Variants in B4GALNT3 observed in about 807,000 individuals in gnomAD.
B4GALNT3 encodes beta-1,4-N-acetyl-galactosaminyltransferase 3, also known as beta-1,4-N-acetylgalactosaminyltransferase 3.
Under a neutral mutation model 120.2 loss-of-function variants are expected in B4GALNT3, and 86 were observed. The observed-to-expected ratio is 0.72, with a 90% confidence interval of 0.60 to 0.86. The LOEUF is 0.86. Ranked by LOEUF, B4GALNT3 falls within the 40% of genes least tolerant of loss-of-function variation. The pLI is 0.00. For missense variants in B4GALNT3, 1,167 were observed against 1,298.9 expected (o/e 0.90, Z 1.56); for synonymous variants, 518 against 510.4 (o/e 1.01, Z -0.20).
intron 1 of B4GALNT3, among the ~76,000 whole-genome samples, chr12:465,834 G>A (rs1452512935): frequency 6.8e-6 from 1 of 146,252 alleles, no homozygotes; most frequent in Non-Finnish European, 1.5e-5. Flanking sequence ...CCTGTCCTGG[G>A]AGTTGAGGTC....
rs546150076 is a variant in B4GALNT3, at chr12:476,580, C to T, written c.169+16035C>T. Among the ~76,000 whole-genome samples, 54 of 152,194 alleles carry T rather than the reference C, an allele frequency of 3.5e-4. 1 individual carries two copies. Among genetic ancestry groups the T allele is most frequent in the Non-Finnish European group, 6.8e-4 (46 of 68,050 alleles). On this transcript the variant is annotated intron_variant, in intron 1 of 19. Coordinates refer to ENST00000266383, the MANE Select transcript of B4GALNT3 (RefSeq NM_173593.4). ...GAGCTGTGATCACGCCACTGCACCC[C>T]AGCCTGGGTGACAGAGCAAGGCCCT... is the stretch of plus-strand genomic sequence containing the variant.
rs147194843 is a variant in B4GALNT3 at position 496,254 on chromosome 12, G to A, written c.169+35709G>A. ...GCCTTGGTCCCTGGGCTCCCTGGATGTCTTCATTTACTCTTAAAAAAAAAA... is the reference window on the plus strand; with the variant it reads ...GCCTTGGTCCCTGGGCTCCCTGGATATCTTCATTTACTCTTAAAAAAAAAA... On this transcript the variant is annotated intron_variant, in intron 1 of 19. Transcript: ENST00000266383. 2.5e-3 allele frequency among the ~76,000 whole-genome samples: 375 copies of A among 152,130 alleles called. 1 individual carries two copies. The highest frequency in any genetic ancestry group is 0.014 in the Middle Eastern group (4 of 294).
At chr12:481,606 CCT>C (rs1178439839) in intron 1 of B4GALNT3, among the ~76,000 whole-genome samples, 1 of 152,224 alleles carries the variant, frequency 6.6e-6, no homozygotes, top group African/African-American at 2.4e-5. Context: ...CCGCAGGGCC[CCT>C]GTCTGCCAGA....
At chr12:466,653 G>C (rs192149919) in intron 1 of B4GALNT3, among the ~76,000 whole-genome samples, 88 of 152,320 alleles carry the variant, frequency 5.8e-4, no homozygotes, top group Non-Finnish European at 1.0e-3. Context: ...AAGTGTGACA[G>C]ATCTTTAAAT....
At chr12:536,626 G>A (rs919302598) in intron 3 of B4GALNT3, among the ~76,000 whole-genome samples, 1 of 152,194 alleles carries the variant, frequency 6.6e-6, no homozygotes, top group Non-Finnish European at 1.5e-5. Context: ...GGGATTACAG[G>A]TGGGCATTAC....
At chr12:533,832 G>C (rs140510132) in intron 1 of B4GALNT3, among the ~76,000 whole-genome samples, 4 of 152,266 alleles carry the variant, frequency 2.6e-5, no homozygotes, top group Admixed American at 6.5e-5. Context: ...GCATTTCAGC[G>C]TGCAGCCCCT....
At chr12:531,265 G>A (rs551719863) in intron 1 of B4GALNT3, among the ~76,000 whole-genome samples, 2 of 152,044 alleles carry the variant, frequency 1.3e-5, no homozygotes, top group South Asian at 4.2e-4. Flanking sequence ...GGGGCAAAGA[G>A]CAACACTGTG....
At chr12:490,152 G>C (rs1246056298) in intron 1 of B4GALNT3, among the ~76,000 whole-genome samples, 1 of 152,040 alleles carries the variant, frequency 6.6e-6, no homozygotes, top group Non-Finnish European at 1.5e-5. Context: ...TAGAAGAGAA[G>C]AAAGATCTAA....
chr12:530,820 G>A (rs1946799383), intron 1 of B4GALNT3, among the ~76,000 whole-genome samples: 1 of 152,220 alleles, frequency 6.6e-6, no homozygotes, highest in Non-Finnish European at 1.5e-5. Flanking sequence ...TGAAGAGTCT[G>A]CATTGCACAG....
rs116416684 is a variant in B4GALNT3 at position 520,335 on chromosome 12, T to G, written c.170-14831T>G. ...TGAGGACTATAGAGATCTTTGAAAC[T>G]GATAACAGTGTCAAACAATGTAACT... On this transcript the variant is annotated intron_variant, in intron 1 of 19. Coordinates refer to ENST00000266383, the MANE Select transcript of B4GALNT3 (RefSeq NM_173593.4). Among the ~76,000 whole-genome samples the G allele has an allele frequency of 3.2e-3, 487 of 152,358 alleles. 1 individual carries two copies. Among genetic ancestry groups the G allele is most frequent in the African/African-American group, 0.011 (445 of 41,594 alleles).
At chr12:464,001 G>T (rs751191334) in intron 1 of B4GALNT3, among the ~76,000 whole-genome samples, 2 of 152,208 alleles carry the variant, frequency 1.3e-5, no homozygotes, top group African/African-American at 4.8e-5. Flanking sequence ...AATACTTTTG[G>T]TGTGGCATGG....
intron 1 of B4GALNT3, among the ~76,000 whole-genome samples, chr12:503,907 G>T (rs1946468468): frequency 6.6e-6 from 1 of 152,146 alleles, no homozygotes. Flanking sequence ...CTGAGGTCAG[G>T]ATTTCGAGAC....
Position 558,587 on chromosome 12 carries a change from G to T in B4GALNT3, c.2687G>T (p.Cys896Phe). ...AGVIDAIRKH[C>F]VEGKMAFAPM... Reference sequence around the variant, plus strand: ...GTCATCGATGCCATTCGGAAGCACTGTGTGGAGGGAAAGATGGCCTTTGCC... The same window carrying T: ...GTCATCGATGCCATTCGGAAGCACTTTGTGGAGGGAAAGATGGCCTTTGCC... The change falls in exon 18 of 20, where the codon TGT (cysteine) becomes TTT (phenylalanine). Residue 896 changes from cysteine to phenylalanine, a missense_variant. Physicochemically the swap from Cys to Phe is radical, Grantham distance 205. Coordinates refer to ENST00000266383, the MANE Select transcript of B4GALNT3 (RefSeq NM_173593.4). 1 of 1,614,170 alleles carries T rather than the reference G, an allele frequency of 6.2e-7. No individual in the cohort carries two copies. The highest frequency in any genetic ancestry group is 8.5e-7 in the Non-Finnish European group (1 of 1,180,008).
At chr12:541,339 C>T (rs979460162) in intron 3 of B4GALNT3, among the ~76,000 whole-genome samples, 4 of 152,214 alleles carry the variant, frequency 2.6e-5, no homozygotes, top group African/African-American at 9.7e-5. Context: ...ATATCTTCTC[C>T]AGCACTTCTG....
rs1444183543 is a variant in B4GALNT3, at chr12:507,732, GC to G, written c.170-27433del. On this transcript the variant is annotated intron_variant, in intron 1 of 19. Coordinates refer to ENST00000266383, the MANE Select transcript of B4GALNT3 (RefSeq NM_173593.4). ...TACCAAAGAAAAGCACTAGGTAGCA[GC>G]ATTCCAGCTGTAGGGCCCGTGACTG... Among the ~76,000 whole-genome samples, 4 of 152,256 alleles carry G rather than the reference GC, an allele frequency of 2.6e-5. No homozygotes were observed. The East Asian group carries it at 7.7e-4, about 29-fold the overall frequency.
chr12:478,274 T>C (rs1558255), intron 1 of B4GALNT3, among the ~76,000 whole-genome samples: 5 of 43,510 alleles, frequency 1.1e-4, no homozygotes, highest in Non-Finnish European at 2.1e-4. Context: ...AAAAAAAAAT[T>C]AGAGGAGGTA....
At position 556,626 on chromosome 12, in the gene B4GALNT3, G is replaced by A; in HGVS notation, c.2140G>A (p.Glu714Lys). Reference sequence around the variant, plus strand: ...TGGGGGTCGCTACCTCCTGGAGCTTGAACTGTTGGAACAAGGCCAGCGCGT... The same window carrying A: ...TGGGGGTCGCTACCTCCTGGAGCTTAAACTGTTGGAACAAGGCCAGCGCGT... ...LRGGRYLLEL[E>K]LLEQGQRVVR... The change falls in exon 15 of 20, where the codon GAA becomes AAA. Residue 714 changes from glutamate (E) to lysine (K), a missense_variant. By Grantham distance (56) the Glu-to-Lys change is moderately conservative (BLOSUM62 1). This residue lies in a region of B4GALNT3 where 983 missense variants were observed against 1,102.5 expected (regional missense o/e 0.89). Transcript: ENST00000266383. 6.2e-7 allele frequency: 1 copy of A among 1,614,078 alleles called. No individual in the cohort carries two copies. Among genetic ancestry groups the A allele is most frequent in the Non-Finnish European group, 8.5e-7 (1 of 1,180,042 alleles).
intron 1 of B4GALNT3, among the ~76,000 whole-genome samples, chr12:512,239 CCTTCCACCTTCTTCCACCTT>C (rs542863258): frequency 2.1e-3 from 166 of 79,286 alleles, no homozygotes; most frequent in Admixed American, 4.7e-3. Context: ...CCACCTTCCA[CCTTCCACCTTCTTCCACCTT>C]CTTCCACCTT....
chr12:475,014 T>G, intron 1 of B4GALNT3, among the ~76,000 whole-genome samples: 1 of 143,788 alleles, frequency 7.0e-6, no homozygotes, highest in Admixed American at 7.1e-5. Context: ...CTCAGGAGGC[T>G]AAGGTGGGAG....
Sources: allele counts gnomAD v4.1 joint callset (sites outside exome capture counted in the v4.1 genomes callset), GRCh38; gene constraint gnomAD v4.1.1; regional missense constraint gnomAD v4.1.1; transcripts MANE v1.5; gene names NCBI Gene and HGNC (gene_info 2026-07-23, HGNC 2026-07-21).